The following CLDN14 variants were observed in gnomAD, a reference collection of about 807,000 sequenced individuals.
CLDN14 encodes the protein claudin 14.
In CLDN14, 2 loss-of-function variants were observed where a neutral mutation model predicts 2.1. The ratio of observed to expected loss-of-function variants is 0.96; its 90% confidence interval spans 0.39 to 3.01. The LOEUF is 3.01. CLDN14 is among the 30% of genes most tolerant of loss of function. The pLI is 0.09. For missense variants in CLDN14, 298 were observed against 328.0 expected, an observed-to-expected ratio of 0.91 and a Z score of 0.71; for synonymous variants, 136 against 154.4, an observed-to-expected ratio of 0.88 and a Z score of 0.88.
At chr21:36,484,618 A>C (rs577267066), upstream of CLDN14, among the ~76,000 whole-genome samples, 1 of 152,206 alleles carries the variant, frequency 6.6e-6, no homozygotes, top group South Asian at 2.1e-4. Context: ...TGCCTTTTTC[A>C]TGACATGGTG....
chr21:36,523,778 A>C (rs1345386035), intron 1 of CLDN14, among the ~76,000 whole-genome samples: 1 of 27,474 alleles, frequency 3.6e-5, no homozygotes, highest in Non-Finnish European at 1.1e-4. Context: ...AAAGAGAGAA[A>C]GAGAGAAAGA....
At chr21:36,495,427 C>T (rs980292463) in intron 2 of CLDN14, among the ~76,000 whole-genome samples, 1 of 152,222 alleles carries the variant, frequency 6.6e-6, no homozygotes, top group African/African-American at 2.4e-5. Flanking sequence ...AGTTTAAGAA[C>T]TCCATTATGG....
At chr21:36,523,769 A>ACGAGAGAAAGAAAGAGAGAGAGAGAG (rs2087294348) in intron 1 of CLDN14, among the ~76,000 whole-genome samples, 1 of 50,172 alleles carries the variant, frequency 2.0e-5, no homozygotes, top group African/African-American at 8.9e-5. Flanking sequence ...AAAAGAAAGA[A>ACGAGAGAAAGAAAGAGAGAGAGAGAG]AGAGAGAAAG....
At chr21:36,482,343 TGGATGGATGGATGGATGGATAGACTGAC>T (rs2086852479), upstream of CLDN14, among the ~76,000 whole-genome samples, 1 of 149,636 alleles carries the variant, frequency 6.7e-6, no homozygotes, top group African/African-American at 2.5e-5. Context: ...GATGGATGGA[TGGATGGATGGATGGATGGATAGACTGAC>T]GGATGGATGG....
intron 2 of CLDN14, among the ~76,000 whole-genome samples, chr21:36,506,519 C>T (rs2087134388): frequency 6.6e-6 from 1 of 151,604 alleles, no homozygotes; most frequent in Non-Finnish European, 1.5e-5. Flanking sequence ...ATCGTTTGAA[C>T]CGGGGGGGCG....
chr21:36,528,908 C>A (rs1367492807), intron 1 of CLDN14, among the ~76,000 whole-genome samples: 1 of 152,194 alleles, frequency 6.6e-6, no homozygotes, highest in Non-Finnish European at 1.5e-5. Flanking sequence ...CTCCACCAAG[C>A]CTGAGGAGGA....
chr21:36,531,570 A>C (rs2087380380), intron 1 of CLDN14, among the ~76,000 whole-genome samples: 2 of 151,922 alleles, frequency 1.3e-5, no homozygotes, highest in Non-Finnish European at 2.9e-5. Flanking sequence ...TGGCCTATAA[A>C]TGTATGTTTA....
At chr21:36,558,893 A>C (rs2146522432) in intron 1 of CLDN14, among the ~76,000 whole-genome samples, 1 of 152,200 alleles carries the variant, frequency 6.6e-6, no homozygotes, top group South Asian at 2.1e-4. Flanking sequence ...TGCCATGAAG[A>C]CATTTTATTT....
At chr21:36,548,278 T>C (rs2087538799) in intron 1 of CLDN14, among the ~76,000 whole-genome samples, 1 of 152,032 alleles carries the variant, frequency 6.6e-6, no homozygotes, top group South Asian at 2.1e-4. Flanking sequence ...ATCTTCACCA[T>C]CTGTGCCATC....
In CLDN14 at chr21:36,557,423, G is replaced by A. The variant is rs930529536; in HGVS notation, c.-220+18988C>T. ...ACATTTCCACCAAGAGTGAACAAGC[G>A]TTCCAACTTCTCCACATCCTTGCCA... is the stretch of plus-strand genomic sequence containing the variant. On this transcript the variant is annotated intron_variant, in intron 1 of 2. Coordinates refer to the CLDN14 transcript ENST00000342108. 9.2e-5 allele frequency among the ~76,000 whole-genome samples: 14 copies of A among 151,896 alleles called. 1 individual carries two copies. Among genetic ancestry groups the A allele is most frequent in the East Asian group, 7.7e-4 (4 of 5,186 alleles).
At chr21:36,472,874 C>G (rs1158620525) in intron 1 of CLDN14, among the ~76,000 whole-genome samples, 1 of 152,176 alleles carries the variant, frequency 6.6e-6, no homozygotes, top group Non-Finnish European at 1.5e-5. Context: ...CCCTAATGAC[C>G]TCCCAAATGT....
At chr21:36,516,620 T>C (rs2087230840) in intron 1 of CLDN14, among the ~76,000 whole-genome samples, 1 of 152,226 alleles carries the variant, frequency 6.6e-6, no homozygotes, top group Non-Finnish European at 1.5e-5. Context: ...CATTGAGGTT[T>C]CCATCAGATT....
intron 1 of CLDN14, among the ~76,000 whole-genome samples, chr21:36,469,247 A>G (rs538189835): frequency 6.6e-6 from 1 of 152,298 alleles, no homozygotes; most frequent in East Asian, 1.9e-4. Context: ...CTTCATATTC[A>G]TTTCACATGG....
intron 1 of CLDN14, among the ~76,000 whole-genome samples, chr21:36,520,365 A>T (rs751180997): frequency 3.6e-4 from 55 of 152,302 alleles, no homozygotes; most frequent in Middle Eastern, 3.4e-3. Flanking sequence ...CTCATCTTGA[A>T]TTGTAGCTCC....
At chr21:36,488,247 T>TTCCTTCCTTCCTTCCTTCCTTCCC (rs2086919558) in intron 2 of CLDN14, among the ~76,000 whole-genome samples, 1 of 148,084 alleles carries the variant, frequency 6.8e-6, no homozygotes, top group Non-Finnish European at 1.5e-5. Flanking sequence ...CCTTCCTTCC[T>TTCCTTCCTTCCTTCCTTCCTTCCC]TCCTTCCTTC....
intron 1 of CLDN14, among the ~76,000 whole-genome samples, chr21:36,537,199 C>T (rs1601628529): frequency 6.6e-6 from 1 of 151,538 alleles, no homozygotes; most frequent in African/African-American, 2.4e-5. Flanking sequence ...CTCAAACAAA[C>T]AAACAAAAAA....
At chr21:36,567,198 G>A (rs955354964) in intron 1 of CLDN14, among the ~76,000 whole-genome samples, 2 of 152,180 alleles carry the variant, frequency 1.3e-5, no homozygotes, top group African/African-American at 4.8e-5. Flanking sequence ...GAGCTTTGAG[G>A]GCATGCACAT....
chr21:36,540,904 G>A (rs1322280264), intron 1 of CLDN14, among the ~76,000 whole-genome samples: 2 of 152,192 alleles, frequency 1.3e-5, no homozygotes, highest in African/African-American at 4.8e-5. Context: ...TTGGAGGTGG[G>A]CAAGAGTAGA....
At chr21:36,476,455 AT>A (rs11457181) in intron 1 of CLDN14, among the ~76,000 whole-genome samples, 136 of 142,388 alleles carry the variant, frequency 9.6e-4, no homozygotes, top group Admixed American at 1.2e-3. Flanking sequence ...ATGGATGACT[AT>A]TTTTTTTTTT....
Sources: allele counts gnomAD v4.1 joint callset (sites outside exome capture counted in the v4.1 genomes callset), GRCh38; gene constraint gnomAD v4.1.1; transcripts MANE v1.5; gene names NCBI Gene and HGNC (gene_info 2026-07-23, HGNC 2026-07-21).